The following ACER3 variants were observed in gnomAD, a reference collection of about 807,000 sequenced individuals.
ACER3 encodes alkCDase 3.
ACER3 carries 16 observed loss-of-function variants against 48.9 expected under a neutral mutation model. The ratio of observed to expected loss-of-function variants is 0.33; its 90% CI spans 0.22 to 0.50. ACER3 has a LOEUF of 0.50. Among genes scored for constraint, ACER3 ranks in the 20% least tolerant of loss-of-function variants. ACER3 has a pLI of 0.98. For missense variants in ACER3, 227 were observed against 326.0 expected, an observed-to-expected ratio of 0.70 and a Z score of 2.34; for synonymous variants, 109 against 107.8, an observed-to-expected ratio of 1.01 and a Z score of -0.07.
chr11:77,009,447 A>G (rs1180270892), intron 7 of ACER3, among the ~76,000 whole-genome samples: 1 of 152,164 alleles, frequency 6.6e-6, no homozygotes, highest in African/African-American at 2.4e-5. Context: ...ACATCTCAAC[A>G]TGAGATCTGG....
chr11:76,943,589 T>C (rs1392931225), intron 2 of ACER3, among the ~76,000 whole-genome samples: 1 of 152,050 alleles, frequency 6.6e-6, no homozygotes, highest in African/African-American at 2.4e-5. Context: ...TGGTATATCT[T>C]ATACAGTGTT....
chr11:76,938,959 T>A (rs1336744432), intron 2 of ACER3, among the ~76,000 whole-genome samples: 4 of 75,824 alleles, frequency 5.3e-5, no homozygotes, highest in African/African-American at 1.1e-4. Context: ...TGTCAGAAAG[T>A]AAGAAAGTGC....
At chr11:76,929,832 G>A (rs1189426101) in intron 2 of ACER3, among the ~76,000 whole-genome samples, 1 of 152,168 alleles carries the variant, frequency 6.6e-6, no homozygotes, top group Non-Finnish European at 1.5e-5. Context: ...CTTGATCATG[G>A]TGAATAAGCT....
intron 1 of ACER3, among the ~76,000 whole-genome samples, chr11:76,900,348 C>A (rs1443385995): frequency 1.3e-5 from 2 of 152,120 alleles, no homozygotes; most frequent in African/African-American, 4.8e-5. Context: ...GAGAGGCAGG[C>A]ACAGTTGGTG....
At chr11:76,871,656 C>T (rs1945243465) in intron 1 of ACER3, among the ~76,000 whole-genome samples, 1 of 152,100 alleles carries the variant, frequency 6.6e-6, no homozygotes, top group Admixed American at 6.6e-5. Context: ...CCCTTAGAGG[C>T]AATAGATGGC....
rs782320210 is a variant in ACER3 at position 77,012,277 on chromosome 11, G to A, written c.498-2739G>A. On this transcript the variant is annotated intron_variant, in intron 7 of 10. Transcript: ENST00000532485. ...TACTAAAAATACAAAAATTAGCTAG[G>A]CATGGTGGCGCACGCCTGTAGTCCC... is the stretch of plus-strand genomic sequence containing the variant. 3.3e-5 allele frequency among the ~76,000 whole-genome samples: 5 copies of A among 152,088 alleles called. No homozygotes were observed. In the East Asian group the frequency reaches 7.7e-4, roughly 24 times the overall value.
chr11:76,930,495 T>TG (rs36153737), intron 2 of ACER3, among the ~76,000 whole-genome samples: 86,034 of 151,314 alleles, frequency 0.57, 27,644 homozygotes, highest in Non-Finnish European at 0.74. Context: ...AGTTATTTCT[T>TG]GCCTTCTCTT....
At chr11:76,927,838 G>A (rs977238947) in intron 2 of ACER3, among the ~76,000 whole-genome samples, 6 of 151,904 alleles carry the variant, frequency 3.9e-5, no homozygotes, top group African/African-American at 1.5e-4. Flanking sequence ...TATGTGCCAC[G>A]TTTTCTTAAT....
chr11:76,867,487 AAAAAAAAAAAG>A (rs1590854245), intron 1 of ACER3, among the ~76,000 whole-genome samples: 3 of 123,244 alleles, frequency 2.4e-5, no homozygotes, highest in African/African-American at 2.9e-5. Flanking sequence ...AAAAAAAAAA[AAAAAAAAAAAG>A]AAAGAAAAGT....
intron 1 of ACER3, among the ~76,000 whole-genome samples, chr11:76,894,442 G>C (rs1945881546): frequency 6.6e-6 from 1 of 152,048 alleles, no homozygotes; most frequent in Admixed American, 6.6e-5. Context: ...CACAAAAATT[G>C]GAGGCCACAT....
chr11:76,876,419 A>G (rs1012391202), intron 1 of ACER3, among the ~76,000 whole-genome samples: 17 of 152,294 alleles, frequency 1.1e-4, no homozygotes, highest in Admixed American at 7.8e-4. Flanking sequence ...GTAGGATTCC[A>G]CTGTATGAAT....
At chr11:76,894,222 T>G (rs1945876658) in intron 1 of ACER3, among the ~76,000 whole-genome samples, 1 of 152,206 alleles carries the variant, frequency 6.6e-6, no homozygotes, top group South Asian at 2.1e-4. Context: ...GAGGCTGTAG[T>G]GAGCCGTGGT....
At chr11:76,883,075 GCACTTATCC>G (rs959401316) in intron 1 of ACER3, among the ~76,000 whole-genome samples, 1 of 152,120 alleles carries the variant, frequency 6.6e-6, no homozygotes, top group Non-Finnish European at 1.5e-5. Flanking sequence ...TGTGTCAGCT[GCACTTATCC>G]CAAGGCTAAA....
At chr11:76,917,347 A>G (rs1490786196) in intron 1 of ACER3, among the ~76,000 whole-genome samples, 1 of 152,208 alleles carries the variant, frequency 6.6e-6, no homozygotes, top group African/African-American at 2.4e-5. Flanking sequence ...GTATATTTTT[A>G]AAAATAATGT....
intron 1 of ACER3, among the ~76,000 whole-genome samples, chr11:76,908,428 T>G (rs1254045306): frequency 6.7e-6 from 1 of 148,688 alleles, no homozygotes; most frequent in South Asian, 2.2e-4. Context: ...TGTGCAGAAA[T>G]CACAAGCATC....
At chr11:76,868,536 T>C (rs866578475) in intron 1 of ACER3, among the ~76,000 whole-genome samples, 9 of 151,884 alleles carry the variant, frequency 5.9e-5, no homozygotes, top group Non-Finnish European at 1.2e-4. Context: ...GGAAACAGAA[T>C]CTCCATCTCT....
intron 2 of ACER3, among the ~76,000 whole-genome samples, chr11:76,949,179 A>G (rs1280637099): frequency 2.6e-5 from 4 of 152,224 alleles, no homozygotes; most frequent in Non-Finnish European, 4.4e-5. Context: ...GTGAAATTCT[A>G]TTATACACTT....
chr11:77,014,499 A>ATGTG (rs1182887285), intron 7 of ACER3, among the ~76,000 whole-genome samples: 62 of 152,180 alleles, frequency 4.1e-4, no homozygotes, highest in African/African-American at 1.3e-3. Flanking sequence ...TAATGAATGA[A>ATGTG]TGTGTGTGTG....
intron 2 of ACER3, among the ~76,000 whole-genome samples, chr11:76,934,185 A>G (rs2134873210): frequency 6.8e-6 from 1 of 146,846 alleles, no homozygotes; most frequent in East Asian, 2.0e-4. Flanking sequence ...CCGGGCAGAG[A>G]CGCTCCTCAC....
Sources: allele counts gnomAD v4.1 joint callset (sites outside exome capture counted in the v4.1 genomes callset), GRCh38; gene constraint gnomAD v4.1.1; transcripts MANE v1.5; gene names NCBI Gene and HGNC (gene_info 2026-07-23, HGNC 2026-07-21).